Variants in CREB3L1 observed in about 807,000 individuals in gnomAD.
CREB3L1 encodes the protein cyclic AMP-responsive element-binding protein 3-like protein 1.
CREB3L1 carries 33 observed loss-of-function variants against 54.5 expected under a neutral mutation model. The observed-to-expected ratio is 0.61, with a 90% CI of 0.46 to 0.81. The LOEUF (loss-of-function observed/expected upper bound fraction) is 0.81. Ranked by LOEUF, CREB3L1 falls within the 30% of genes least tolerant of loss-of-function variation. The probability of loss-of-function intolerance (pLI) is 0.00; values close to 1 mark genes in which losing one functional copy is unlikely to be tolerated. For synonymous variants in CREB3L1, 284 were observed against 286.4 expected (o/e 0.99, Z 0.08); for missense variants, 656 against 673.3 (o/e 0.97, Z 0.29).
In CREB3L1 at chr11:46,306,549, G is replaced by A. The variant is rs184456017; in HGVS notation, c.332-1267G>A. ...TTGAGCACATACAAAACTCTTCAGCGGCTCCCCATTTGCTTTAGGATAAAG... is the reference window on the plus strand; with the variant it reads ...TTGAGCACATACAAAACTCTTCAGCAGCTCCCCATTTGCTTTAGGATAAAG... On this transcript the variant is annotated intron_variant, in intron 2 of 11. Transcript: ENST00000621158. Among the ~76,000 whole-genome samples the A allele has an allele frequency of 5.3e-5, 8 of 150,982 alleles. No homozygotes were observed. The East Asian group carries it at 7.8e-4, about 15-fold the overall frequency.
At chr11:46,305,694 G>GTGTGTGTATA (rs1555222410) in intron 2 of CREB3L1, among the ~76,000 whole-genome samples, 1 of 88,210 alleles carries the variant, frequency 1.1e-5, no homozygotes, top group African/African-American at 6.4e-5. Context: ...GTATATATGT[G>GTGTGTGTATA]TGTGTGTGTG....
intron 2 of CREB3L1, among the ~76,000 whole-genome samples, chr11:46,304,515 G>C (rs1939350047): frequency 6.6e-6 from 1 of 152,126 alleles, no homozygotes; most frequent in African/African-American, 2.4e-5. Flanking sequence ...AGGGCTTAGA[G>C]CTGTGCTCAG....
intron 1 of CREB3L1, among the ~76,000 whole-genome samples, chr11:46,282,638 C>T (rs1218698600): frequency 3.9e-5 from 6 of 152,200 alleles, no homozygotes; most frequent in Non-Finnish European, 7.3e-5. Flanking sequence ...CCTTAGGGAA[C>T]GCTCCCTGAC....
In CREB3L1 at chr11:46,312,376, A is replaced by C; in HGVS notation, c.805A>C (p.Thr269Pro). 6.2e-7 allele frequency: 1 copy of C among 1,613,378 alleles called. No homozygotes were observed. Among genetic ancestry groups the C allele is most frequent in the East Asian group, 2.2e-5 (1 of 44,854 alleles). Reference protein sequence around the residue: ...PLLLTEEEKRTLIAEGYPIPT... With the variant: ...PLLLTEEEKRPLIAEGYPIPT... ...GCTCCTGACAGAGGAGGAGAAGCGG[A>C]CCCTGATTGCTGAGGGCTACCCCAT... Residue 269 changes from threonine (T) to proline (P), a missense_variant, in exon 6 of 12, where the codon ACC (threonine) becomes CCC (proline). Thr to Pro is a conservative substitution (Grantham distance 38, BLOSUM62 -1). Around this residue, in one of 3 missense-constraint regions of CREB3L1, gnomAD observed 77 missense variants for 122.0 expected, o/e 0.63. Coordinates refer to ENST00000621158, the MANE Select transcript of CREB3L1 (RefSeq NM_052854.4).
chr11:46,292,497 T>C (rs928802059), intron 1 of CREB3L1, among the ~76,000 whole-genome samples: 20 of 152,192 alleles, frequency 1.3e-4, no homozygotes, highest in Admixed American at 6.5e-5. Flanking sequence ...GCAATACGGC[T>C]GGATCATTTG....
At chr11:46,315,253 C>A (rs1400047393) in intron 8 of CREB3L1, 1 of 228,494 alleles carries the variant, frequency 4.4e-6, no homozygotes, top group South Asian at 9.4e-5. Flanking sequence ...ACCCCTCTGT[C>A]TCTGGCTGGG....
chr11:46,292,885 G>C (rs1398161741), intron 1 of CREB3L1, among the ~76,000 whole-genome samples: 3 of 152,074 alleles, frequency 2.0e-5, no homozygotes, highest in Non-Finnish European at 4.4e-5. Context: ...GCCTTCCAAA[G>C]TGCTAGGATT....
At chr11:46,316,502 G>T in intron 9 of CREB3L1, 117 bp downstream of exon 9, 4 of 682,058 alleles carry the variant, frequency 5.9e-6, no homozygotes, top group Non-Finnish European at 1.0e-5. Context: ...GCGTCCCAGG[G>T]TACACCATCC....
chr11:46,300,208 C>A, intron 2 of CREB3L1, 45 bp downstream of exon 2: 1 of 1,464,226 alleles, frequency 6.8e-7, no homozygotes, highest in East Asian at 2.4e-5. Context: ...CCAGGAGGCC[C>A]AGGAGGGAGG....
At chr11:46,279,454 C>T (rs758475430) in intron 1 of CREB3L1, among the ~76,000 whole-genome samples, 22 of 152,056 alleles carry the variant, frequency 1.4e-4, no homozygotes, top group Non-Finnish European at 2.4e-4. Flanking sequence ...GGCCCCTGTC[C>T]CAGGCAGAGA....
At chr11:46,289,033 C>T (rs1345860192) in intron 1 of CREB3L1, among the ~76,000 whole-genome samples, 2 of 152,102 alleles carry the variant, frequency 1.3e-5, no homozygotes, top group Non-Finnish European at 2.9e-5. Flanking sequence ...TGATCATTAC[C>T]ATTAGGCAGA....
intron 1 of CREB3L1, among the ~76,000 whole-genome samples, chr11:46,281,486 G>A (rs543564671): frequency 1.3e-5 from 2 of 152,346 alleles, no homozygotes; most frequent in African/African-American, 4.8e-5. Context: ...AGAAGGAGGA[G>A]GAAGAAAAGG....
chr11:46,294,609 G>A (rs756543191), intron 1 of CREB3L1, among the ~76,000 whole-genome samples: 1 of 152,124 alleles, frequency 6.6e-6, no homozygotes, highest in African/African-American at 2.4e-5. Flanking sequence ...TTAGCTCTGG[G>A]AAGGCAAGGC....
intron 5 of CREB3L1, 135 bp from the exon 6 acceptor site, chr11:46,312,190 C>T (rs1009799915): frequency 6.8e-6 from 5 of 735,088 alleles, no homozygotes; most frequent in Middle Eastern, 3.9e-4. Flanking sequence ...CCCAGATCCA[C>T]TCCCTTTCCA....
rs759547364 is a variant in CREB3L1 at position 46,278,131 on chromosome 11, C to T, written c.20C>T (p.Pro7Leu). The T allele has an allele frequency of 6.4e-7, 1 of 1,561,396 alleles. No homozygotes were observed. Among genetic ancestry groups the T allele is most frequent in the East Asian group, 2.4e-5 (1 of 41,428 alleles). Reference protein sequence around the residue: MDAVLEPFPADRLFPGS... With the variant: MDAVLELFPADRLFPGS... ...GCTGCGATGGACGCCGTCTTGGAAC[C>T]CTTCCCGGCCGACAGGCTGTTCCCC... Residue 7 changes from proline to leucine, a missense_variant, in exon 1 of 12, where the codon CCC (proline) becomes CTC (leucine). This residue lies in a region of CREB3L1 where 339 missense variants were observed against 331.5 expected (regional missense o/e 1.02). Transcript: ENST00000621158. The surrounding 1 kb of genome is among the most constrained non-coding windows in gnomAD (Gnocchi z 4.2).
At chr11:46,310,571 G>A (rs1027965882) in intron 4 of CREB3L1, among the ~76,000 whole-genome samples, 19 of 151,732 alleles carry the variant, frequency 1.3e-4, no homozygotes, top group African/African-American at 4.1e-4. Context: ...CCCAGCCTTC[G>A]TCCAGTCCTC....
Position 46,287,529 on chromosome 11 carries a change from G to A in CREB3L1, c.102+9316G>A, listed in dbSNP as rs141611601. Among the ~76,000 whole-genome samples the A allele has an allele frequency of 1.1e-4, 17 of 151,956 alleles. No individual in the cohort carries two copies. In the East Asian group the frequency reaches 3.3e-3, roughly 29 times the overall value. On this transcript the variant is annotated intron_variant, in intron 1 of 11. Transcript: ENST00000621158. ...TTGCCCAGGCTGGTCTTGAACTCCT[G>A]AGCTCAAGCGATCCTCCCTCCTTGG... is the stretch of plus-strand genomic sequence containing the variant.
chr11:46,304,279 C>T (rs557713418), intron 2 of CREB3L1, among the ~76,000 whole-genome samples: 12 of 152,248 alleles, frequency 7.9e-5, no homozygotes, highest in African/African-American at 2.2e-4. Flanking sequence ...TCAAGGCCAG[C>T]CTAACCAACA....
chr11:46,318,101 C>T (rs1323792685), intron 10 of CREB3L1, among the ~76,000 whole-genome samples: 1 of 152,058 alleles, frequency 6.6e-6, no homozygotes, highest in African/African-American at 2.4e-5. Flanking sequence ...CCTGTAGTCC[C>T]GGCTACTTGA....
Sources: gnomAD v4.1 joint callset for allele counts (sites outside exome capture counted in the v4.1 genomes callset) on GRCh38, gnomAD v4.1.1 for gene constraint, gnomAD v4.1.1 regional missense constraint, Gnocchi (gnomAD v3.1) non-coding constraint, MANE v1.5 for transcripts, NCBI Gene and HGNC (gene_info 2026-07-23, HGNC 2026-07-21) for gene names.